The following RBBP8 variants were observed in gnomAD, a reference collection of about 807,000 sequenced individuals.
RBBP8 encodes the protein DNA endonuclease RBBP8.
In RBBP8, 88 loss-of-function variants were observed where a neutral mutation model predicts 108.3. That is an observed-to-expected ratio of 0.81 (90% CI 0.68 to 0.97). The LOEUF is 0.97. Among genes scored for constraint, RBBP8 ranks in the 50% least tolerant of loss-of-function variants. The pLI is 0.00. For missense variants in RBBP8, 1,023 were observed against 1,049.0 expected (o/e 0.98, Z 0.34); for synonymous variants, 332 against 348.2 (o/e 0.95, Z 0.52).
chr18:22,922,667 G>A (rs866106182), intron 3 of RBBP8, among the ~76,000 whole-genome samples: 1 of 152,220 alleles, frequency 6.6e-6, no homozygotes, highest in Middle Eastern at 3.4e-3. Flanking sequence ...GTTTCCTCAT[G>A]TTGTCCAGTC....
intron 4 of RBBP8, among the ~76,000 whole-genome samples, chr18:22,953,040 G>C: frequency 6.6e-6 from 1 of 152,190 alleles, no homozygotes; most frequent in East Asian, 1.9e-4. Context: ...ATAAGACTTT[G>C]GACACTGAAG....
At chr18:22,974,523 A>G (rs1192664040) in intron 5 of RBBP8, among the ~76,000 whole-genome samples, 7 of 152,068 alleles carry the variant, frequency 4.6e-5, no homozygotes, top group Admixed American at 4.6e-4. Flanking sequence ...GTGCAGTGGC[A>G]CTATTTTGGC....
Position 23,014,841 on chromosome 18 carries a change from G to A in RBBP8, c.2358-1987G>A, listed in dbSNP as rs1271623641. ...TATTTTGAAGAATTCATGGTAGGTG[G>A]AAGCAGCATAAGGTAATTTTTCTTT... On this transcript the variant is annotated intron_variant, in intron 16 of 18. Transcript: ENST00000327155. Among the ~76,000 whole-genome samples, 9 of 151,966 alleles carry A rather than the reference G, an allele frequency of 5.9e-5. No individual in the cohort carries two copies. The East Asian group carries it at 1.5e-3, about 26-fold the overall frequency.
At chr18:23,025,542 C>T (rs765949981) in intron 18 of RBBP8, among the ~76,000 whole-genome samples, 7 of 152,190 alleles carry the variant, frequency 4.6e-5, no homozygotes, top group Non-Finnish European at 1.0e-4. Flanking sequence ...GCACCCCATG[C>T]GTATGGCAGA....
At chr18:22,966,328 C>A (rs1411053596) in intron 4 of RBBP8, among the ~76,000 whole-genome samples, 4 of 152,152 alleles carry the variant, frequency 2.6e-5, no homozygotes, top group Non-Finnish European at 5.9e-5. Context: ...TGATGCCTAG[C>A]TGTTTGTTCA....
rs545660101 is a variant in RBBP8 at position 22,939,986 on chromosome 18, A to G, written c.109+3026A>G. Reference sequence around the variant, plus strand: ...AGTTTGCAGATAAGAGCTTGATTTTATTCAAGGAACTCTGGATAGTTAGGT... The same window carrying G: ...AGTTTGCAGATAAGAGCTTGATTTTGTTCAAGGAACTCTGGATAGTTAGGT... On this transcript the variant is annotated intron_variant, in intron 2 of 18. Coordinates refer to ENST00000327155, the MANE Select transcript of RBBP8 (RefSeq NM_002894.3). 1.4e-4 allele frequency among the ~76,000 whole-genome samples: 21 copies of G among 151,082 alleles called. 1 individual carries two copies. The highest frequency in any genetic ancestry group is 4.9e-4 in the African/African-American group (20 of 40,410).
intron 15 of RBBP8, 135 bp from the exon 16 acceptor site, chr18:23,006,228 T>A (rs2046044862): frequency 1.4e-6 from 1 of 734,158 alleles, no homozygotes; most frequent in East Asian, 2.7e-5. Flanking sequence ...AAAATTTAAA[T>A]GAGTTGCTCA....
At chr18:22,982,872 A>C (rs1327634595) in intron 7 of RBBP8, among the ~76,000 whole-genome samples, 1 of 152,208 alleles carries the variant, frequency 6.6e-6, no homozygotes, top group African/African-American at 2.4e-5. Context: ...AACTCACTCA[A>C]GGTCAGCTAT....
intron 2 of RBBP8, among the ~76,000 whole-genome samples, chr18:22,937,860 C>T (rs1598635570): frequency 6.7e-6 from 1 of 149,352 alleles, no homozygotes; most frequent in Non-Finnish European, 1.5e-5. Flanking sequence ...GGTTCTCACT[C>T]CGTTGCCCAG....
At chr18:23,018,492 C>T (rs937755192) in intron 17 of RBBP8, among the ~76,000 whole-genome samples, 20 of 152,170 alleles carry the variant, frequency 1.3e-4, no homozygotes, top group Admixed American at 3.3e-4. Flanking sequence ...GCTTCAGGAC[C>T]TACTGTGGAT....
chr18:22,933,743 G>C (rs1012741600), intron 1 of RBBP8, 179 bp downstream of exon 1: 4 of 152,374 alleles, frequency 2.6e-5, no homozygotes, highest in African/African-American at 9.6e-5. Flanking sequence ...ACCGGCGGGA[G>C]GACGAGCGCT....
chr18:22,936,119 T>A (rs1010381881), intron 1 of RBBP8, among the ~76,000 whole-genome samples: 9 of 152,182 alleles, frequency 5.9e-5, no homozygotes, highest in South Asian at 2.1e-4. Flanking sequence ...TTTTTTTTTT[T>A]AATTGAGACA....
chr18:22,955,481 A>T (rs1319357712), intron 4 of RBBP8, among the ~76,000 whole-genome samples: 10 of 152,156 alleles, frequency 6.6e-5, no homozygotes, highest in Admixed American at 4.6e-4. Flanking sequence ...ACGCTACAGG[A>T]TAGATGATAG....
chr18:23,012,763 T>C lies in RBBP8; in HGVS notation c.2358-4065T>C, dbSNP rs541213209. On this transcript the variant is annotated intron_variant, in intron 16 of 18. Coordinates refer to ENST00000327155, the MANE Select transcript of RBBP8 (RefSeq NM_002894.3). ...TGATGAAGGTGGCTGAACTAAACAATAGATTTTCAGTGCAGATGAAACAGC... is the reference window on the plus strand; with the variant it reads ...TGATGAAGGTGGCTGAACTAAACAACAGATTTTCAGTGCAGATGAAACAGC... 7.9e-5 allele frequency among the ~76,000 whole-genome samples: 12 copies of C among 152,302 alleles called. No homozygotes were observed. In the South Asian group the frequency reaches 2.3e-3, roughly 29 times the overall value.
chr18:22,971,642 T>C (rs1428187084), intron 5 of RBBP8, among the ~76,000 whole-genome samples: 1 of 77,560 alleles, frequency 1.3e-5, no homozygotes, highest in African/African-American at 6.7e-5. Context: ...GTTTAATTTC[T>C]TTTTTTTTTT....
chr18:22,915,577 A>G (rs1280795796), intron 2 of RBBP8: 1 of 152,132 alleles, frequency 6.6e-6, no homozygotes, highest in East Asian at 1.9e-4. Flanking sequence ...CACAAATTGT[A>G]TTTTGACAAG....
At position 22,993,859 on chromosome 18, in the gene RBBP8, A is replaced by G. The variant is rs60178443; in HGVS notation, c.1939+12A>G. The G allele has an allele frequency of 4.1e-3, 6,669 of 1,609,718 alleles. 168 individuals are homozygous for G. In the African/African-American group the frequency reaches 0.063, roughly 15 times the overall value. On this transcript the variant is annotated intron_variant, in intron 12 of 18. Transcript: ENST00000327155. Reference sequence around the variant, plus strand: ...ACAAAACAACCAAGGTGTGTACACCATAAACAGGATCTCCACTTTTTTAAT... The same window carrying G: ...ACAAAACAACCAAGGTGTGTACACCGTAAACAGGATCTCCACTTTTTTAAT...
At chr18:23,003,322 C>A (rs569054240) in intron 15 of RBBP8, among the ~76,000 whole-genome samples, 1 of 152,176 alleles carries the variant, frequency 6.6e-6, no homozygotes, top group African/African-American at 2.4e-5. Flanking sequence ...AATCTTCAAA[C>A]GTTTTTATTT....
intron 16 of RBBP8, among the ~76,000 whole-genome samples, chr18:23,008,799 A>C (rs2046104603): frequency 8.2e-6 from 1 of 121,576 alleles, no homozygotes; most frequent in South Asian, 2.7e-4. Flanking sequence ...TTTGAGACAG[A>C]GTCTCACTCT....
Sources: allele counts gnomAD v4.1 joint callset (sites outside exome capture counted in the v4.1 genomes callset), GRCh38; gene constraint gnomAD v4.1.1; transcripts MANE v1.5; gene names NCBI Gene and HGNC (gene_info 2026-07-23, HGNC 2026-07-21).